Variants in CACNA1S observed in about 807,000 individuals in gnomAD.
CACNA1S encodes the protein voltage-dependent L-type calcium channel subunit alpha-1S.
A neutral mutation model predicts 207.4 loss-of-function variants in CACNA1S; 126 were observed. That is an observed-to-expected ratio of 0.61 (90% CI 0.53 to 0.70). CACNA1S has a LOEUF of 0.70. CACNA1S is among the 30% of genes least tolerant of loss of function. The pLI, the probability that CACNA1S is intolerant of heterozygous loss-of-function variation, is 0.00. For missense variants in CACNA1S, 2,349 were observed against 2,422.8 expected, an observed-to-expected ratio of 0.97 and a Z score of 0.64; for synonymous variants, 960 against 932.7, an observed-to-expected ratio of 1.03 and a Z score of -0.53.
intron 7 of CACNA1S, among the ~76,000 whole-genome samples, chr1:201,087,471 T>C (rs1662071577): frequency 6.6e-6 from 1 of 152,054 alleles, no homozygotes; most frequent in African/African-American, 2.4e-5. Context: ...GGGGCTTCAC[T>C]GAGGAGTGTC....
chr1:201,062,133 C>G (rs1661073396), intron 23 of CACNA1S, 43 bp from the exon 24 acceptor site: 1 of 1,603,172 alleles, frequency 6.2e-7, no homozygotes. Flanking sequence ...CATGGCTGGG[C>G]TGCCTTGCCC....
chr1:201,093,866 C>T lies in CACNA1S; in HGVS notation c.398+16G>A. 3 of 1,613,848 alleles carry T rather than the reference C, an allele frequency of 1.9e-6. No homozygotes were observed. The highest frequency in any genetic ancestry group is 2.5e-6 in the Non-Finnish European group (3 of 1,179,988). On this transcript the variant is annotated intron_variant, in intron 3 of 43. Transcript: ENST00000362061. Reference sequence around the variant, plus strand: ...GCGAGGGTCTGACCTTCAGTCTCCCCACACCCAGCTCTCACCCCAGGAAGA... The same window carrying T: ...GCGAGGGTCTGACCTTCAGTCTCCCTACACCCAGCTCTCACCCCAGGAAGA...
At chr1:201,094,112 T>C in intron 2 of CACNA1S, 91 bp from the exon 3 acceptor site, 4 of 1,535,308 alleles carry the variant, frequency 2.6e-6, no homozygotes, top group Non-Finnish European at 3.6e-6. Context: ...TTCCCTGCTG[T>C]TGCTCAGGCA....
chr1:201,083,874 C>T (rs1459176798), intron 9 of CACNA1S, among the ~76,000 whole-genome samples: 2 of 152,196 alleles, frequency 1.3e-5, no homozygotes, highest in African/African-American at 4.8e-5. Flanking sequence ...CCACCTCAGA[C>T]TTCCGAGGAG....
chr1:201,072,626 T>A, intron 16 of CACNA1S, 129 bp downstream of exon 16: 2 of 762,998 alleles, frequency 2.6e-6, no homozygotes, highest in Non-Finnish European at 4.8e-6. Flanking sequence ...ATGTCTCCGG[T>A]GTTCTGATCT....
At chr1:201,043,562 G>A in intron 39 of CACNA1S, 31 bp from the exon 40 acceptor site, 1 of 1,612,484 alleles carries the variant, frequency 6.2e-7, no homozygotes, top group South Asian at 1.1e-5. Flanking sequence ...AGTGACTGGG[G>A]GTGAGGGCAG....
intron 2 of CACNA1S, among the ~76,000 whole-genome samples, chr1:201,096,534 C>T (rs1662440985): frequency 6.6e-6 from 1 of 152,236 alleles, no homozygotes; most frequent in Non-Finnish European, 1.5e-5. Context: ...CACCAACCTT[C>T]CTAAAACATC....
chr1:201,093,765 A>C, intron 3 of CACNA1S, 117 bp downstream of exon 3: 1 of 1,271,974 alleles, frequency 7.9e-7, no homozygotes. Context: ...TGCTCCATGC[A>C]GTGGTTAGCA....
chr1:201,068,934 G>A (rs758483518), intron 19 of CACNA1S, among the ~76,000 whole-genome samples: 1 of 152,182 alleles, frequency 6.6e-6, no homozygotes, highest in Non-Finnish European at 1.5e-5. Context: ...CTGTGGATGG[G>A]GGAGCCACAG....
intron 3 of CACNA1S, 52 bp downstream of exon 3, chr1:201,093,830 C>A: frequency 1.2e-6 from 2 of 1,608,536 alleles, no homozygotes; most frequent in Non-Finnish European, 1.7e-6. Flanking sequence ...GCAGTGGGCA[C>A]ACAGTCCTCA....
At chr1:201,094,684 C>T (rs919150536) in intron 2 of CACNA1S, among the ~76,000 whole-genome samples, 2 of 152,152 alleles carry the variant, frequency 1.3e-5, no homozygotes, top group Non-Finnish European at 2.9e-5. Flanking sequence ...GTCCCACCTG[C>T]CCTCACATTG....
Position 201,087,733 on chromosome 1 carries a change from C to T in CACNA1S, c.1004+93G>A, listed in dbSNP as rs55718009. The T allele has an allele frequency of 7.4e-3, 6,164 of 836,460 alleles. 39 individuals carry two copies. The highest frequency in any genetic ancestry group is 9.2e-3 in the Non-Finnish European group (4,570 of 499,086). 51.8% of individuals were successfully genotyped at this position (836,460 alleles called of 1,614,324 possible). On this transcript the variant is annotated intron_variant, in intron 7 of 43. Transcript: ENST00000362061. ...TCCTCTCCACTCGCCCCCCACCCCT[C>T]CTGTTTCTTTTCCCTCCGTTCCTTT...
chr1:201,089,129 C>T, intron 6 of CACNA1S, 129 bp downstream of exon 6: 1 of 825,974 alleles, frequency 1.2e-6, no homozygotes, highest in Admixed American at 2.0e-5. Flanking sequence ...CAGGGAGGAG[C>T]AAGAGGGAGC....
At chr1:201,103,774 G>T (rs970652362) in intron 2 of CACNA1S, among the ~76,000 whole-genome samples, 4 of 152,314 alleles carry the variant, frequency 2.6e-5, no homozygotes, top group South Asian at 4.1e-4. Context: ...TGGGCTGCTG[G>T]CCACAAGAGT....
intron 31 of CACNA1S, 59 bp from the exon 32 acceptor site, chr1:201,052,707 TC>T: frequency 1.5e-6 from 2 of 1,371,416 alleles, no homozygotes; most frequent in Admixed American, 1.7e-5. Flanking sequence ...CCTCAGCTTA[TC>T]CCCCACTGCC....
At chr1:201,073,458 C>A in intron 15 of CACNA1S, 91 bp downstream of exon 15, 1 of 1,083,302 alleles carries the variant, frequency 9.2e-7, no homozygotes, top group Non-Finnish European at 1.4e-6. Flanking sequence ...TACCTCCCCA[C>A]CCTACCCCAC....
At chr1:201,075,412 TGGAC>T in intron 13 of CACNA1S, 79 bp downstream of exon 13, 1 of 1,575,072 alleles carries the variant, frequency 6.3e-7, no homozygotes, top group Non-Finnish European at 8.7e-7. Context: ...ACCTAGAAAC[TGGAC>T]ACCCTTGACC....
chr1:201,071,203 C>T (rs1166014165), intron 16 of CACNA1S, among the ~76,000 whole-genome samples: 3 of 152,128 alleles, frequency 2.0e-5, no homozygotes, highest in Non-Finnish European at 4.4e-5. Flanking sequence ...ACCCTCCTGG[C>T]CCCTGGCAGA....
At chr1:201,103,104 G>A (rs902693841) in intron 2 of CACNA1S, among the ~76,000 whole-genome samples, 25 of 152,120 alleles carry the variant, frequency 1.6e-4, no homozygotes, top group African/African-American at 6.0e-4. Flanking sequence ...AAATTAGCCA[G>A]GTGTGGTGAC....
Sources: gnomAD v4.1 joint callset for allele counts (sites outside exome capture counted in the v4.1 genomes callset) on GRCh38, gnomAD v4.1.1 for gene constraint, MANE v1.5 for transcripts, NCBI Gene and HGNC (gene_info 2026-07-23, HGNC 2026-07-21) for gene names.